GGACT: variants seen among roughly 807,000 people sequenced by gnomAD.
GGACT encodes the protein gamma-glutamylamine cyclotransferase.
For missense variants in GGACT, 241 were observed against 233.2 expected, an observed-to-expected ratio of 1.03 and a Z score of -0.22; for synonymous variants, 118 against 115.3, an observed-to-expected ratio of 1.02 and a Z score of -0.15.
intron 2 of GGACT, among the ~76,000 whole-genome samples, chr13:100,582,809 A>C (rs1566540665): frequency 1.3e-5 from 2 of 152,232 alleles, no homozygotes; most frequent in Admixed American, 6.5e-5. Context: ...ACGAGAAGCC[A>C]GGCGGTCTGA....
At chr13:100,539,984 G>A (rs1174229323) in intron 2 of GGACT, 68 of 1,535,578 alleles carry the variant, frequency 4.4e-5, no homozygotes, top group Admixed American at 1.0e-4. Context: ...CGGGCTTCAC[G>A]AGATCGATTC....
At chr13:100,555,544 A>G (rs1485515400) in intron 2 of GGACT, among the ~76,000 whole-genome samples, 1 of 151,738 alleles carries the variant, frequency 6.6e-6, no homozygotes, top group Non-Finnish European at 1.5e-5. Flanking sequence ...TTTTTTTAAA[A>G]AGAAAAAAAT....
chr13:100,540,689 G>C (rs2088544491), intron 2 of GGACT, among the ~76,000 whole-genome samples: 1 of 151,970 alleles, frequency 6.6e-6, no homozygotes, highest in Non-Finnish European at 1.5e-5. Flanking sequence ...TGTTTTTTGA[G>C]CTTCTTATCT....
At chr13:100,564,834 G>T (rs554922579) in intron 2 of GGACT, among the ~76,000 whole-genome samples, 1 of 152,162 alleles carries the variant, frequency 6.6e-6, no homozygotes, top group Admixed American at 6.5e-5. Context: ...GGGGCGGGGG[G>T]GCTGGGCCTG....
intron 2 of GGACT, among the ~76,000 whole-genome samples, chr13:100,579,315 G>T (rs1401727164): frequency 6.6e-6 from 1 of 152,110 alleles, no homozygotes; most frequent in Non-Finnish European, 1.5e-5. Context: ...CCACAGCTGT[G>T]GGGAGAGGAG....
intron 2 of GGACT, among the ~76,000 whole-genome samples, chr13:100,556,724 G>A (rs2088711543): frequency 6.6e-6 from 1 of 152,044 alleles, no homozygotes; most frequent in Admixed American, 6.5e-5. Flanking sequence ...TCCATGATGT[G>A]CGTATTTCAT....
At chr13:100,561,874 G>C (rs2088763699) in intron 2 of GGACT, among the ~76,000 whole-genome samples, 1 of 152,184 alleles carries the variant, frequency 6.6e-6, no homozygotes, top group Admixed American at 6.5e-5. Flanking sequence ...GGATCCCCTG[G>C]GAGTATACAA....
intron 2 of GGACT, chr13:100,536,833 T>A (rs9554701): frequency 0.021 from 3,186 of 152,622 alleles, 93 homozygotes; most frequent in East Asian, 0.15. Flanking sequence ...GCGGAGGTGT[T>A]CTTGTCAGGC....
intron 2 of GGACT, among the ~76,000 whole-genome samples, chr13:100,567,661 G>A (rs907527722): frequency 3.9e-5 from 6 of 152,116 alleles, no homozygotes; most frequent in African/African-American, 9.7e-5. Context: ...ATACACACAC[G>A]CACACTTACA....
rs780064071 is a variant in GGACT at position 100,545,357 on chromosome 13, G to A, written c.-10-12756C>T. 4.5e-4 allele frequency among the ~76,000 whole-genome samples: 68 copies of A among 152,294 alleles called. No homozygotes were observed. Among genetic ancestry groups the A allele is most frequent in the Non-Finnish European group, 6.0e-4 (41 of 68,016 alleles). On this transcript the variant is annotated intron_variant, in intron 2 of 2. Transcript: ENST00000683975. This position sits in a 1 kb window ranked among gnomAD's most constrained non-coding sequence, Gnocchi z 4.4. Reference sequence around the variant, plus strand: ...AGGTGAAGTGACTCACACACAAGGCGACCCAGGCAAGGGCAGCAGAGCCTT... The same window carrying A: ...AGGTGAAGTGACTCACACACAAGGCAACCCAGGCAAGGGCAGCAGAGCCTT...
intron 1 of GGACT, among the ~76,000 whole-genome samples, chr13:100,588,143 T>G (rs973843867): frequency 6.6e-6 from 1 of 152,242 alleles, no homozygotes; most frequent in Admixed American, 6.5e-5. Flanking sequence ...TTTGAGCTTG[T>G]GGCGTTGTCC....
chr13:100,586,867 G>A (rs558824720), intron 1 of GGACT: 4 of 152,280 alleles, frequency 2.6e-5, no homozygotes, highest in African/African-American at 9.6e-5. Context: ...CAGTCCAGGG[G>A]CAGGTCCTCA....
intron 2 of GGACT, among the ~76,000 whole-genome samples, chr13:100,553,852 A>AAG (rs1566533599): frequency 6.6e-6 from 1 of 151,482 alleles, no homozygotes; most frequent in African/African-American, 2.4e-5. Context: ...TCAAAAAAAA[A>AAG]AAAAAAAAGG....
At position 100,542,333 on chromosome 13, in the gene GGACT, T is replaced by C. The variant is rs371316288; in HGVS notation, c.-10-9732A>G. 1.1e-3 allele frequency among the ~76,000 whole-genome samples: 167 copies of C among 152,194 alleles called. 1 individual carries two copies. The highest frequency in any genetic ancestry group is 3.8e-3 in the African/African-American group (159 of 41,522). On this transcript the variant is annotated intron_variant, in intron 2 of 2. Transcript: ENST00000683975. ...CGTCCTTCATGACGCTGTGGAAACG[T>C]TGGGGAGAGCACGGTTTGTGCCCTA...
intron 2 of GGACT, chr13:100,539,800 C>T: frequency 1.5e-6 from 1 of 687,670 alleles, no homozygotes. Context: ...ACCAGTGAAG[C>T]CATCTGGTCC....
chr13:100,562,395 C>G (rs755963488), intron 2 of GGACT, among the ~76,000 whole-genome samples: 5 of 152,198 alleles, frequency 3.3e-5, no homozygotes, highest in Non-Finnish European at 5.9e-5. Context: ...TGGCACCTCA[C>G]GCAGTACCTG....
At position 100,532,154 on chromosome 13, in the gene GGACT, G is replaced by T; in HGVS notation, c.438C>A (p.Arg146=). 2 of 1,456,258 alleles carry T rather than the reference G, an allele frequency of 1.4e-6. No individual in the cohort carries two copies. The highest frequency in any genetic ancestry group is 1.4e-5 in the African/African-American group (1 of 70,150). 90.2% of individuals were successfully genotyped at this position (1,456,258 alleles called of 1,614,324 possible). ...CTTATCTGTTCTCCCGGGGGTTGTAGCGCAGCCCGTGCGGCCCCTCGGAGT... is the reference window on the plus strand; with the variant it reads ...CTTATCTGTTCTCCCGGGGGTTGTATCGCAGCCCGTGCGGCCCCTCGGAGT... ...SYDSEGPHGL[R]YNPRENR The change falls in exon 3 of 3, where the codon CGC becomes CGA. Residue 146 remains arginine, a synonymous_variant. Transcript: ENST00000683975.
intron 2 of GGACT, among the ~76,000 whole-genome samples, chr13:100,563,416 CATT>C (rs1206516090): frequency 6.6e-6 from 1 of 152,154 alleles, no homozygotes; most frequent in Non-Finnish European, 1.5e-5. Context: ...AATCACATAA[CATT>C]ATGTACTAAA....
chr13:100,584,389 T>G (rs1594201212), intron 1 of GGACT, among the ~76,000 whole-genome samples: 1 of 152,158 alleles, frequency 6.6e-6, no homozygotes, highest in African/African-American at 2.4e-5. Flanking sequence ...AGACAAACTT[T>G]GCATGTTCTT....
Sources: gnomAD v4.1 joint callset for allele counts (sites outside exome capture counted in the v4.1 genomes callset) on GRCh38, gnomAD v4.1.1 for gene constraint, Gnocchi (gnomAD v3.1) non-coding constraint, MANE v1.5 for transcripts, NCBI Gene and HGNC (gene_info 2026-07-23, HGNC 2026-07-21) for gene names.